LMBRD2: variants seen among roughly 807,000 people sequenced by gnomAD.
The protein encoded by LMBRD2 is G protein-coupled receptor-associated protein LMBRD2.
In LMBRD2, 55 loss-of-function variants were observed where a neutral mutation model predicts 94.4. The ratio of observed to expected loss-of-function variants is 0.58; its 90% CI spans 0.47 to 0.73. The LOEUF is 0.73. Among genes scored for constraint, LMBRD2 ranks in the 30% least tolerant of loss-of-function variants. The pLI is 0.00. For synonymous variants in LMBRD2, 246 were observed against 272.4 expected (o/e 0.90, Z 0.95); for missense variants, 640 against 831.9 (o/e 0.77, Z 2.84).
Position 36,099,384 on chromosome 5 carries a change from AAAT to A in LMBRD2, c.*4659_*4661del, listed in dbSNP as rs1265515259. 1 of 152,154 alleles carries A rather than the reference AAAT, an allele frequency of 6.6e-6. No homozygotes were observed. Among genetic ancestry groups the A allele is most frequent in the Non-Finnish European group, 1.5e-5 (1 of 68,012 alleles). The allele number at this position is 152,154 out of a possible 1,614,324, so 9.4% of individuals were successfully genotyped here. A position where few individuals can be genotyped will look rare whatever the true frequency, so the allele number is the denominator to read the frequency against. On this transcript the variant is annotated 3_prime_UTR_variant, in exon 18 of 18. Transcript: ENST00000296603. ...AGGTCCACATATTTTCTACCTTCTA[AAAT>A]AAGAAAAATCCTTCGAGTTGTTTTC...
At chr5:36,121,236 G>C (rs907750302) in intron 9 of LMBRD2, among the ~76,000 whole-genome samples, 13 of 152,134 alleles carry the variant, frequency 8.5e-5, no homozygotes, top group Non-Finnish European at 1.6e-4. Context: ...TAGCACTAAT[G>C]TACCCAAATA....
rs1240913171 is a variant in LMBRD2, at chr5:36,136,486, T to G, written c.570A>C (p.Ala190=). The G allele has an allele frequency of 1.9e-6, 3 of 1,613,926 alleles. No homozygotes were observed. The highest frequency in any genetic ancestry group is 2.5e-6 in the Non-Finnish European group (3 of 1,179,942). Residue 190 remains alanine, a synonymous_variant, in exon 6 of 18, where the codon GCA becomes GCC. Transcript: ENST00000296603. ...CAAGAAGAAACAGACCCCATGTATT[T>G]GCAGCAGCTATCCCAATTGTCTGAA... ...NQLQTIGIAA[A]NTWGLFLLVL...
chr5:36,131,232 A>T (rs1452519488), intron 6 of LMBRD2, among the ~76,000 whole-genome samples: 2 of 152,208 alleles, frequency 1.3e-5, no homozygotes, highest in African/African-American at 4.8e-5. Context: ...GAAGGAAAAA[A>T]GCCATATGAG....
At chr5:36,132,980 T>A (rs1744188439) in intron 6 of LMBRD2, among the ~76,000 whole-genome samples, 1 of 149,550 alleles carries the variant, frequency 6.7e-6, no homozygotes, top group South Asian at 2.1e-4. Context: ...TGGAGAACAG[T>A]TTGGAGGCCC....
In LMBRD2 at chr5:36,099,879, G is replaced by A. The variant is rs1256902025; in HGVS notation, c.*4167C>T. ...CCTCAATTGACCTCAATGGACCAAT[G>A]GCTTGGTACAGAAGGAATCAGAGGC... On this transcript the variant is annotated 3_prime_UTR_variant, in exon 18 of 18. Transcript: ENST00000296603. 1 of 152,086 alleles carries A rather than the reference G, an allele frequency of 6.6e-6. No homozygotes were observed. Among genetic ancestry groups the A allele is most frequent in the Non-Finnish European group, 1.5e-5 (1 of 68,028 alleles). 9.4% of individuals were successfully genotyped at this position (152,086 alleles called of 1,614,324 possible).
chr5:36,108,506 C>T (rs764842739), intron 16 of LMBRD2, 28 bp downstream of exon 16: 2 of 1,213,252 alleles, frequency 1.6e-6, no homozygotes, highest in Non-Finnish European at 2.4e-6. Flanking sequence ...AAACAATTTC[C>T]AAGTGAACTA....
intron 15 of LMBRD2, 91 bp downstream of exon 15, chr5:36,109,852 CTG>C: frequency 1.1e-6 from 1 of 898,692 alleles, no homozygotes; most frequent in Non-Finnish European, 1.7e-6. Context: ...CTGTTTTTTT[CTG>C]TCTTTAGCTA....
chr5:36,146,409 C>T (rs924827520), intron 1 of LMBRD2, among the ~76,000 whole-genome samples: 1 of 152,092 alleles, frequency 6.6e-6, no homozygotes, highest in Non-Finnish European at 1.5e-5. Flanking sequence ...CTCACACTGT[C>T]GCCCAGGCCG....
chr5:36,151,042 C>T lies in LMBRD2; in HGVS notation c.-58+514G>A, dbSNP rs1297929806. On this transcript the variant is annotated intron_variant, in intron 1 of 17. Transcript: ENST00000296603. The surrounding 1 kb of genome is among the most constrained non-coding windows in gnomAD (Gnocchi z 4.7). Reference sequence around the variant, plus strand: ...CTCTTCCACTGTTTTCCCGGGGTCACAGTTGTAGTATAGTTTGCCCAATGG... The same window carrying T: ...CTCTTCCACTGTTTTCCCGGGGTCATAGTTGTAGTATAGTTTGCCCAATGG... Among the ~76,000 whole-genome samples the T allele has an allele frequency of 6.6e-6, 1 of 152,156 alleles. No homozygotes were observed. The highest frequency in any genetic ancestry group is 1.5e-5 in the Non-Finnish European group (1 of 68,032).
intron 1 of LMBRD2, among the ~76,000 whole-genome samples, chr5:36,149,817 G>T (rs577966281): frequency 6.6e-6 from 1 of 152,332 alleles, no homozygotes; most frequent in Admixed American, 6.5e-5. Context: ...TGAGGCAGGG[G>T]AATTGCTTGA....
intron 15 of LMBRD2, among the ~76,000 whole-genome samples, chr5:36,109,370 A>C (rs747105327): frequency 6.6e-6 from 1 of 152,126 alleles, no homozygotes; most frequent in Non-Finnish European, 1.5e-5. Context: ...TGCATTCTAA[A>C]ATAAAGAAGA....
At chr5:36,124,400 AG>A (rs1561517291) in intron 6 of LMBRD2, 135 bp from the exon 7 acceptor site, 3 of 536,560 alleles carry the variant, frequency 5.6e-6, no homozygotes, top group Non-Finnish European at 1.0e-5. Context: ...ACATGAATAA[AG>A]GTTCTTAAGA....
At chr5:36,136,852 A>G (rs1381001041) in intron 5 of LMBRD2, among the ~76,000 whole-genome samples, 3 of 152,230 alleles carry the variant, frequency 2.0e-5, no homozygotes, top group African/African-American at 4.8e-5. Flanking sequence ...ATTACAAATC[A>G]TAAGTATAAA....
intron 1 of LMBRD2, among the ~76,000 whole-genome samples, chr5:36,144,873 A>G (rs889361111): frequency 2.6e-5 from 4 of 151,962 alleles, no homozygotes; most frequent in Non-Finnish European, 5.9e-5. Context: ...TTAATGAACA[A>G]TTTTCTTCAC....
intron 4 of LMBRD2, among the ~76,000 whole-genome samples, chr5:36,139,528 C>T (rs552655754): frequency 6.6e-6 from 1 of 152,320 alleles, no homozygotes; most frequent in South Asian, 2.1e-4. Context: ...CTCTGTGGAC[C>T]AGAGTGAGAA....
rs752510526 is a variant in LMBRD2, at chr5:36,142,534, T to C, written c.240A>G (p.Thr80=). The change falls in exon 3 of 18, where the codon ACA becomes ACG. Residue 80 remains threonine, a synonymous_variant. Coordinates refer to ENST00000296603, the MANE Select transcript of LMBRD2 (RefSeq NM_001007527.2). ...NSSPPENSNI[T]GLYATANPVP... ...CAGGGTTAGCAGTTGCGTACAATCC[T>C]GTAATGTTGCTATTCTCAGGAGGGC... The C allele has an allele frequency of 8.1e-6, 13 of 1,610,068 alleles. No individual in the cohort carries two copies. The South Asian group carries it at 1.4e-4, about 18-fold the overall frequency.
rs574492313 is a variant in LMBRD2, at chr5:36,145,522, G to C, written c.-57-2116C>G. ...TTACAGGCATGCGCCACAGCGCCCA[G>C]CCAAATCTTATTTTTAAGCTAAGCA... On this transcript the variant is annotated intron_variant, in intron 1 of 17. Coordinates refer to ENST00000296603, the MANE Select transcript of LMBRD2 (RefSeq NM_001007527.2). Among the ~76,000 whole-genome samples, 3 of 152,354 alleles carry C rather than the reference G, an allele frequency of 2.0e-5. No homozygotes were observed. The South Asian group carries it at 6.2e-4, about 32-fold the overall frequency.
At chr5:36,141,055 T>C (rs547995666) in intron 4 of LMBRD2, 52 bp downstream of exon 4, 3 of 967,142 alleles carry the variant, frequency 3.1e-6, no homozygotes, top group Admixed American at 4.0e-5. Context: ...TTGAAAAACA[T>C]TTTATTCCTT....
At chr5:36,120,478 C>G (rs186085761) in intron 9 of LMBRD2, among the ~76,000 whole-genome samples, 1 of 152,140 alleles carries the variant, frequency 6.6e-6, no homozygotes, top group Non-Finnish European at 1.5e-5. Context: ...CCAGGATGGT[C>G]TCAATCTCTT....
Sources: gnomAD v4.1 joint callset for allele counts (sites outside exome capture counted in the v4.1 genomes callset) on GRCh38, gnomAD v4.1.1 for gene constraint, Gnocchi (gnomAD v3.1) non-coding constraint, MANE v1.5 for transcripts, NCBI Gene and HGNC (gene_info 2026-07-23, HGNC 2026-07-21) for gene names.